Variants in CACNA2D3 observed in about 807,000 individuals in gnomAD.
CACNA2D3 encodes voltage-dependent calcium channel subunit alpha-2/delta-3.
CACNA2D3 carries 60 observed loss-of-function variants against 160.6 expected under a neutral mutation model. The ratio of observed to expected loss-of-function variants is 0.37; its 90% CI spans 0.30 to 0.46. The LOEUF is 0.46. CACNA2D3 is among the 20% of genes least tolerant of loss of function. The pLI, the probability that CACNA2D3 is intolerant of heterozygous loss-of-function variation, is 1.00. For synonymous variants in CACNA2D3, 558 were observed against 492.9 expected, an observed-to-expected ratio of 1.13 and a Z score of -1.75; for missense variants, 1,205 against 1,365.0, an observed-to-expected ratio of 0.88 and a Z score of 1.85.
At chr3:54,786,842 T>A (rs1702651361) in intron 13 of CACNA2D3, among the ~76,000 whole-genome samples, 1 of 152,200 alleles carries the variant, frequency 6.6e-6, no homozygotes, top group South Asian at 2.1e-4. Flanking sequence ...GCATCTTACA[T>A]ATCTTTGCAT....
intron 2 of CACNA2D3, among the ~76,000 whole-genome samples, chr3:54,151,817 C>T (rs1455236091): frequency 6.6e-6 from 1 of 152,182 alleles, no homozygotes; most frequent in African/African-American, 2.4e-5. Flanking sequence ...TTCTGGACTC[C>T]GTCTCCATTC....
intron 13 of CACNA2D3, among the ~76,000 whole-genome samples, chr3:54,775,917 C>CTTCCTTCTTCCTTTGTTCTTTT (rs1377308046): frequency 2.0e-5 from 3 of 152,134 alleles, no homozygotes; most frequent in Non-Finnish European, 4.4e-5. Context: ...TTTGTTCTTT[C>CTTCCTTCTTCCTTTGTTCTTTT]TTCCTTCTTC....
chr3:54,429,414 C>T (rs1992963), intron 4 of CACNA2D3, among the ~76,000 whole-genome samples: 33,086 of 151,838 alleles, frequency 0.22, 3,850 homozygotes, highest in Admixed American at 0.31. Context: ...TTTCTTCTCT[C>T]GTAATTTTCA....
intron 2 of CACNA2D3, among the ~76,000 whole-genome samples, chr3:54,131,498 A>G (rs1342577999): frequency 1.3e-5 from 2 of 152,196 alleles, no homozygotes; most frequent in Non-Finnish European, 2.9e-5. Context: ...CCAGCTGCAG[A>G]TAACCTCTAA....
intron 13 of CACNA2D3, among the ~76,000 whole-genome samples, chr3:54,808,759 C>T (rs2106692754): frequency 6.6e-6 from 1 of 152,214 alleles, no homozygotes; most frequent in South Asian, 2.1e-4. Context: ...CCTAATGTAC[C>T]TTGCTCAGAC....
chr3:54,144,599 G>A (rs1699992710), intron 2 of CACNA2D3, among the ~76,000 whole-genome samples: 1 of 152,202 alleles, frequency 6.6e-6, no homozygotes, highest in African/African-American at 2.4e-5. Flanking sequence ...TCCTTATATA[G>A]GCAAGATAAT....
chr3:54,485,261 C>T (rs1700998294), intron 4 of CACNA2D3, among the ~76,000 whole-genome samples: 1 of 152,140 alleles, frequency 6.6e-6, no homozygotes, highest in African/African-American at 2.4e-5. Flanking sequence ...GCTCTAGAAC[C>T]CAAGTACCCT....
chr3:54,604,760 C>A (rs552984610), intron 9 of CACNA2D3, among the ~76,000 whole-genome samples: 1 of 152,140 alleles, frequency 6.6e-6, no homozygotes, highest in Non-Finnish European at 1.5e-5. Flanking sequence ...CCCCAGCCCC[C>A]ACTTGATCCC....
At chr3:54,597,397 T>C (rs1035584803) in intron 9 of CACNA2D3, among the ~76,000 whole-genome samples, 2 of 152,140 alleles carry the variant, frequency 1.3e-5, no homozygotes. Flanking sequence ...TTCTTTTTTT[T>C]CCACTTGCTC....
chr3:54,366,410 G>C lies in CACNA2D3; in HGVS notation c.322-20305G>C, dbSNP rs60123141. 3.5e-3 allele frequency among the ~76,000 whole-genome samples: 538 copies of C among 152,272 alleles called. 12 individuals are homozygous for C. The East Asian group carries it at 0.062, about 18-fold the overall frequency. ...CTTCTTGAAATGAAAGAGAAGTTAGGGTTTCTTTTTGAGAATTAATATCCC... is the reference window on the plus strand; with the variant it reads ...CTTCTTGAAATGAAAGAGAAGTTAGCGTTTCTTTTTGAGAATTAATATCCC... On this transcript the variant is annotated intron_variant, in intron 3 of 37. Transcript: ENST00000474759.
At chr3:54,827,107 A>C (rs559481544) in intron 14 of CACNA2D3, among the ~76,000 whole-genome samples, 2 of 152,346 alleles carry the variant, frequency 1.3e-5, no homozygotes, top group Non-Finnish European at 2.9e-5. Flanking sequence ...TTTGCACCCC[A>C]AAACAAGAGT....
chr3:54,397,333 T>C (rs1439689368), intron 4 of CACNA2D3, among the ~76,000 whole-genome samples: 8 of 64,322 alleles, frequency 1.2e-4, no homozygotes, highest in African/African-American at 1.3e-4. Flanking sequence ...CTGCTCTGAT[T>C]TTAGTTATTT....
intron 2 of CACNA2D3, among the ~76,000 whole-genome samples, chr3:54,318,034 C>T (rs530237193): frequency 6.6e-6 from 1 of 152,272 alleles, no homozygotes; most frequent in South Asian, 2.1e-4. Flanking sequence ...CCATAGCAGC[C>T]TTATAGAACC....
At chr3:54,139,410 G>T (rs1576952206) in intron 2 of CACNA2D3, among the ~76,000 whole-genome samples, 1 of 152,248 alleles carries the variant, frequency 6.6e-6, no homozygotes, top group East Asian at 1.9e-4. Context: ...TAGCTGAATG[G>T]CCAAGAGAAG....
chr3:54,786,633 A>G (rs1018390891), intron 13 of CACNA2D3, among the ~76,000 whole-genome samples: 2 of 152,348 alleles, frequency 1.3e-5, no homozygotes, highest in East Asian at 3.9e-4. Flanking sequence ...ATAGCAAATA[A>G]CTATATTATT....
intron 31 of CACNA2D3, among the ~76,000 whole-genome samples, chr3:55,002,200 A>G (rs182978970): frequency 1.6e-4 from 25 of 151,648 alleles, no homozygotes; most frequent in African/African-American, 6.1e-4. Context: ...ATACGACAGG[A>G]CCAACTTTTG....
chr3:55,003,002 A>C (rs1703015541), intron 31 of CACNA2D3, among the ~76,000 whole-genome samples: 1 of 152,130 alleles, frequency 6.6e-6, no homozygotes. Flanking sequence ...TTTAAAACTG[A>C]ATGCCTTCTG....
chr3:54,810,652 A>G (rs1465859508), intron 13 of CACNA2D3, among the ~76,000 whole-genome samples: 2 of 152,214 alleles, frequency 1.3e-5, no homozygotes, highest in Non-Finnish European at 2.9e-5. Flanking sequence ...TGGCAGGAAA[A>G]TACTTTGTTT....
chr3:54,570,191 T>G, intron 8 of CACNA2D3, 87 bp downstream of exon 8: 1 of 1,335,424 alleles, frequency 7.5e-7, no homozygotes, highest in Non-Finnish European at 1.1e-6. Context: ...CGCTGTTAGA[T>G]CCAGAGCATC....
Sources: gnomAD v4.1 joint callset for allele counts (sites outside exome capture counted in the v4.1 genomes callset) on GRCh38, gnomAD v4.1.1 for gene constraint, MANE v1.5 for transcripts, NCBI Gene and HGNC (gene_info 2026-07-23, HGNC 2026-07-21) for gene names.